TRAF1: variants seen among roughly 807,000 people sequenced by gnomAD.
TRAF1 encodes the protein TNF receptor associated factor 1, also known as TNF receptor-associated factor 1.
A neutral mutation model predicts 40.9 loss-of-function variants in TRAF1; 23 were observed. That is an observed-to-expected ratio of 0.56 (90% CI 0.40 to 0.80). TRAF1 has a LOEUF of 0.80. TRAF1 is among the 30% of genes least tolerant of loss of function. The pLI, the probability that TRAF1 is intolerant of heterozygous loss-of-function variation, is 0.00. For synonymous variants in TRAF1, 206 were observed against 218.8 expected (o/e 0.94, Z 0.52); for missense variants, 477 against 528.7 (o/e 0.90, Z 0.96).
chr9:120,909,484 A>C, intron 6 of TRAF1, 106 bp from the exon 7 acceptor site: 1 of 1,362,846 alleles, frequency 7.3e-7, no homozygotes. Context: ...AAAACCATGA[A>C]AGATGGGGTT....
Position 120,911,412 on chromosome 9 carries a change from G to T in TRAF1, c.807C>A (p.Phe269Leu), listed in dbSNP as rs200832066. The T allele has an allele frequency of 2.2e-4, 355 of 1,613,704 alleles. 1 individual carries two copies. Among genetic ancestry groups the T allele is most frequent in the Middle Eastern group, 9.9e-4 (6 of 6,062 alleles). Residue 269 changes from phenylalanine to leucine, a missense_variant, in exon 6 of 8, where the codon TTC becomes TTA. Phe to Leu is a conservative substitution (Grantham distance 22). Coordinates refer to ENST00000373887, the MANE Select transcript of TRAF1 (RefSeq NM_005658.5). Reference protein sequence around the residue: ...LMEEASFDGTFLWKITNVTRR... With the variant: ...LMEEASFDGTLLWKITNVTRR... ...TGGTGACATTGGTGATCTTCCACAG[G>T]AAAGTGCCATCGAAGGAGGCCTCCT... is the stretch of plus-strand genomic sequence containing the variant.
rs72758156 is a variant in TRAF1, at chr9:120,907,066, C to T, written c.1033-1828G>A. On this transcript the variant is annotated intron_variant, in intron 7 of 7. Coordinates refer to ENST00000373887, the MANE Select transcript of TRAF1 (RefSeq NM_005658.5). ...TGTATTTTTTGTAGAGACAGGGTTT[C>T]GTTATGGCTGGCCTCGAACTCCTGG... Among the ~76,000 whole-genome samples the T allele has an allele frequency of 6.3e-3, 954 of 152,138 alleles. 5 individuals are homozygous for T. Among genetic ancestry groups the T allele is most frequent in the East Asian group, 0.011 (57 of 5,166 alleles).
rs56675791 is a variant in TRAF1 at position 120,926,320 on chromosome 9, AT to A, written c.-226-20del. On this transcript the variant is annotated intron_variant, in intron 1 of 7. Transcript: ENST00000373887. ...CTGAAGGCTTTAGGAGTGTCCAGTC[AT>A]TTTTTTTTTTTTTTAGAGTGAGAAA... is the stretch of plus-strand genomic sequence containing the variant. 0.23 allele frequency: 66,885 copies of A among 288,688 alleles called. 2,275 individuals are homozygous for A. The highest frequency in any genetic ancestry group is 0.32 in the East Asian group (5,585 of 17,454). 17.9% of individuals were successfully genotyped at this position (288,688 alleles called of 1,614,324 possible).
intron 1 of TRAF1, 79 bp from the exon 2 acceptor site, chr9:120,926,380 G>T: frequency 4.6e-6 from 1 of 219,492 alleles, no homozygotes; most frequent in Non-Finnish European, 8.9e-6. Flanking sequence ...AATGACCCGT[G>T]TCACAGACTC....
chr9:120,917,315 T>C (rs947961142), intron 3 of TRAF1, among the ~76,000 whole-genome samples: 2 of 152,180 alleles, frequency 1.3e-5, no homozygotes, highest in Non-Finnish European at 2.9e-5. Context: ...ATGTGGCCTC[T>C]GGAGCCAGCC....
At chr9:120,908,921 CCT>C (rs369824979) in intron 7 of TRAF1, among the ~76,000 whole-genome samples, 504 of 152,220 alleles carry the variant, frequency 3.3e-3, no homozygotes, top group African/African-American at 0.011. Flanking sequence ...GTCTCAAACT[CCT>C]GAGCTCAAGC....
At chr9:120,928,947 G>A (rs2046658109), upstream of TRAF1, among the ~76,000 whole-genome samples, 1 of 151,986 alleles carries the variant, frequency 6.6e-6, no homozygotes. Flanking sequence ...GGCTGGGCTG[G>A]GGGCAGTTGA....
chr9:120,918,124 A>T (rs2046581143), intron 3 of TRAF1, among the ~76,000 whole-genome samples: 1 of 152,124 alleles, frequency 6.6e-6, no homozygotes, highest in Non-Finnish European at 1.5e-5. Context: ...CGTGCCTTGA[A>T]CTTCTGGCCT....
chr9:120,907,780 C>T lies in TRAF1; in HGVS notation c.1032+1450G>A, dbSNP rs918867673. 5.3e-5 allele frequency among the ~76,000 whole-genome samples: 8 copies of T among 152,320 alleles called. No individual in the cohort carries two copies. In the East Asian group the frequency reaches 7.7e-4, roughly 15 times the overall value. On this transcript the variant is annotated intron_variant, in intron 7 of 7. Coordinates refer to ENST00000373887, the MANE Select transcript of TRAF1 (RefSeq NM_005658.5). ...CCAGAAGTTTTCCTTATTTACCCCA[C>T]GATGTGAAGGAGGAAGAAGAGTGGG... is the stretch of plus-strand genomic sequence containing the variant.
At chr9:120,914,833 G>C (rs2046558445) in intron 3 of TRAF1, among the ~76,000 whole-genome samples, 1 of 152,194 alleles carries the variant, frequency 6.6e-6, no homozygotes, top group Admixed American at 6.5e-5. Flanking sequence ...CAGCCTGAGG[G>C]AAGGGATACA....
rs373805596 is a variant in TRAF1 at position 120,913,399 on chromosome 9, G to A, written c.634C>T (p.His212Tyr). Residue 212 changes from histidine to tyrosine, a missense_variant, in exon 5 of 8, where the codon CAC becomes TAC. Coordinates refer to ENST00000373887, the MANE Select transcript of TRAF1 (RefSeq NM_005658.5). ...AVLNKEVEAS[H>Y]LALATSIHQS... ...TGGATAGAGGTGGCCAGGGCCAGGT[G>A]GGAGGCCTCCACCTCCTTGTTGAGG... 37 of 1,613,784 alleles carry A rather than the reference G, an allele frequency of 2.3e-5. No homozygotes were observed. The African/African-American group carries it at 4.8e-4, about 21-fold the overall frequency.
At chr9:120,914,663 G>T in intron 3 of TRAF1, 1 of 818,868 alleles carries the variant, frequency 1.2e-6, no homozygotes, top group Non-Finnish European at 1.5e-6. Context: ...TGGCACAGCT[G>T]AGACACTCAG....
At position 120,914,278 on chromosome 9, in the gene TRAF1, G is replaced by A. The variant is rs772125973; in HGVS notation, c.251C>T (p.Ala84Val). 2.0e-6 allele frequency: 3 copies of A among 1,534,488 alleles called. No individual in the cohort carries two copies. The South Asian group carries it at 3.7e-5, about 19-fold the overall frequency. ...QEKAHPEVAE[A>V]GIGCPFAGVG... Reference sequence around the variant, plus strand: ...ACCTGCAAAGGGGCACCCAATTCCAGCCTCAGCCACCTCGGGGTGAGCCTG... The same window carrying A: ...ACCTGCAAAGGGGCACCCAATTCCAACCTCAGCCACCTCGGGGTGAGCCTG... Residue 84 changes from alanine to valine, a missense_variant, in exon 4 of 8, where the codon GCT becomes GTT. Transcript: ENST00000373887.
chr9:120,904,759 G>T lies in TRAF1; in HGVS notation c.*261C>A. On this transcript the variant is annotated 3_prime_UTR_variant, in exon 8 of 8. Coordinates refer to ENST00000373887, the MANE Select transcript of TRAF1 (RefSeq NM_005658.5). Reference sequence around the variant, plus strand: ...ACATTCGGGGCCGGAGTGGCTCACTGGCCTCCCAGTGTCGCATGGTCCGTG... The same window carrying T: ...ACATTCGGGGCCGGAGTGGCTCACTTGCCTCCCAGTGTCGCATGGTCCGTG... 2.0e-6 allele frequency: 1 copy of T among 502,572 alleles called. No individual in the cohort carries two copies. Among genetic ancestry groups the T allele is most frequent in the East Asian group, 3.4e-5 (1 of 29,286 alleles). 31.1% of individuals were successfully genotyped at this position (502,572 alleles called of 1,614,324 possible).
intron 2 of TRAF1, among the ~76,000 whole-genome samples, chr9:120,924,252 ATTTGGT>A: frequency 6.6e-6 from 1 of 152,116 alleles, no homozygotes. Flanking sequence ...TTGGTCCTCC[ATTTGGT>A]TTTGGTCTTA....
At chr9:120,916,649 G>A (rs1310799645) in intron 3 of TRAF1, among the ~76,000 whole-genome samples, 2 of 152,116 alleles carry the variant, frequency 1.3e-5, no homozygotes, top group African/African-American at 4.8e-5. Flanking sequence ...GTTGGGTTGA[G>A]ACACAGAACA....
upstream of TRAF1, chr9:120,927,366 T>C (rs978549645): frequency 6.6e-6 from 1 of 152,226 alleles, no homozygotes; most frequent in Non-Finnish European, 1.5e-5. Context: ...CTGGGTCCAC[T>C]GCTTACTAAC....
intron 5 of TRAF1, 99 bp downstream of exon 5, chr9:120,913,229 T>G (rs2046541574): frequency 2.1e-6 from 3 of 1,400,426 alleles, no homozygotes; most frequent in South Asian, 2.9e-5. Flanking sequence ...GAGTGACTGC[T>G]GTAAGCAGGA....
At chr9:120,913,819 G>A in intron 4 of TRAF1, 81 bp from the exon 5 acceptor site, 1 of 1,439,420 alleles carries the variant, frequency 6.9e-7, no homozygotes. Flanking sequence ...GCTATCAAAG[G>A]TCACCAAGGA....
Sources: allele counts gnomAD v4.1 joint callset (sites outside exome capture counted in the v4.1 genomes callset), GRCh38; gene constraint gnomAD v4.1.1; transcripts MANE v1.5; gene names NCBI Gene and HGNC (gene_info 2026-07-23, HGNC 2026-07-21).